GSE1: variants seen among roughly 807,000 people sequenced by gnomAD.
GSE1 encodes genetic suppressor element 1.
In GSE1, 32 loss-of-function variants were observed where a neutral mutation model predicts 112.6. The ratio of observed to expected loss-of-function variants is 0.28; its 90% CI spans 0.21 to 0.38. The LOEUF is 0.38. GSE1 is among the 10% of genes least tolerant of loss of function. The pLI is 1.00. For missense variants in GSE1, 2,348 were observed against 1,699.2 expected, an observed-to-expected ratio of 1.38 and a Z score of -6.71; for synonymous variants, 1,115 against 735.6, an observed-to-expected ratio of 1.52 and a Z score of -8.35.
intron 1 of GSE1, among the ~76,000 whole-genome samples, chr16:85,581,272 C>A (rs1354449848): frequency 1.3e-5 from 2 of 152,166 alleles, no homozygotes; most frequent in African/African-American, 4.8e-5. Flanking sequence ...CCCCATGCCC[C>A]CTGCCCCTTA....
At chr16:85,219,301 A>G (rs983474974) in intron 1 of GSE1, among the ~76,000 whole-genome samples, 2 of 152,266 alleles carry the variant, frequency 1.3e-5, no homozygotes, top group East Asian at 3.8e-4. Flanking sequence ...GGCGTGAGCC[A>G]CCGTGCCCGG....
chr16:85,444,043 G>A (rs533261085), intron 2 of GSE1, among the ~76,000 whole-genome samples: 7 of 130,870 alleles, frequency 5.3e-5, no homozygotes, highest in Non-Finnish European at 1.1e-4. Flanking sequence ...GGAGTACAGT[G>A]GCGTGATCTT....
chr16:85,384,767 T>C (rs2047647865), intron 2 of GSE1, among the ~76,000 whole-genome samples: 2 of 152,190 alleles, frequency 1.3e-5, no homozygotes, highest in South Asian at 4.1e-4. Context: ...GGGGACAAGA[T>C]GTTGATGGAG....
intron 2 of GSE1, among the ~76,000 whole-genome samples, chr16:85,647,543 C>T (rs560966255): frequency 3.9e-5 from 6 of 152,302 alleles, no homozygotes; most frequent in East Asian, 3.9e-4. Flanking sequence ...CAGCCACCAC[C>T]GCACTGCATC....
At chr16:85,481,780 A>G (rs575900714) in intron 2 of GSE1, among the ~76,000 whole-genome samples, 1 of 152,186 alleles carries the variant, frequency 6.6e-6, no homozygotes. Context: ...TGTGGTGAGA[A>G]GCGTGGAAAA....
At chr16:85,301,680 C>T (rs2045531135) in intron 1 of GSE1, among the ~76,000 whole-genome samples, 1 of 152,216 alleles carries the variant, frequency 6.6e-6, no homozygotes, top group African/African-American at 2.4e-5. Flanking sequence ...GTTTCCTTTG[C>T]CTCTGTGCCC....
intron 1 of GSE1, among the ~76,000 whole-genome samples, chr16:85,228,210 A>G (rs1488251552): frequency 1.3e-5 from 2 of 152,222 alleles, no homozygotes; most frequent in Non-Finnish European, 2.9e-5. Flanking sequence ...CTCGCAGTGA[A>G]ACATGAGTCA....
At chr16:85,304,843 A>G (rs1410529673) in intron 1 of GSE1, among the ~76,000 whole-genome samples, 2 of 152,100 alleles carry the variant, frequency 1.3e-5, no homozygotes, top group Non-Finnish European at 2.9e-5. Flanking sequence ...AGCGTTGTTC[A>G]TTGCTGTTCC....
At chr16:85,349,767 C>T (rs2046816655) in intron 1 of GSE1, among the ~76,000 whole-genome samples, 1 of 152,162 alleles carries the variant, frequency 6.6e-6, no homozygotes, top group African/African-American at 2.4e-5. Context: ...GGTTGTGTTC[C>T]TTGTCTCATC....
At chr16:85,438,369 G>A (rs2049301294) in intron 2 of GSE1, among the ~76,000 whole-genome samples, 1 of 152,200 alleles carries the variant, frequency 6.6e-6, no homozygotes, top group African/African-American at 2.4e-5. Flanking sequence ...GGGAGGGACA[G>A]GAGGCGGAGG....
chr16:85,425,656 C>T (rs757254697), intron 2 of GSE1, among the ~76,000 whole-genome samples: 1 of 152,166 alleles, frequency 6.6e-6, no homozygotes, highest in African/African-American at 2.4e-5. Context: ...GCAAGCCTGC[C>T]CTGCCCACCC....
intron 2 of GSE1, among the ~76,000 whole-genome samples, chr16:85,466,137 G>C (rs549095222): frequency 6.6e-6 from 1 of 152,202 alleles, no homozygotes. Flanking sequence ...ACTTTGAGTG[G>C]AACACGTGGT....
At chr16:85,213,964 C>T (rs890275579) in intron 1 of GSE1, among the ~76,000 whole-genome samples, 1 of 152,184 alleles carries the variant, frequency 6.6e-6, no homozygotes, top group Non-Finnish European at 1.5e-5. Flanking sequence ...TTCCATGAGA[C>T]AGAGAAAAAG....
intron 1 of GSE1, among the ~76,000 whole-genome samples, chr16:85,221,341 G>C (rs2075389078): frequency 6.8e-6 from 1 of 147,896 alleles, no homozygotes; most frequent in Non-Finnish European, 1.5e-5. Flanking sequence ...CACACCCCAA[G>C]TACATGCACA....
At chr16:85,639,847 C>T (rs1439229823) in intron 2 of GSE1, among the ~76,000 whole-genome samples, 2 of 152,244 alleles carry the variant, frequency 1.3e-5, no homozygotes, top group Non-Finnish European at 2.9e-5. Context: ...CGGCAGCCTC[C>T]CGCAGGGACG....
At chr16:85,602,530 C>A (rs1284642736) in intron 1 of GSE1, among the ~76,000 whole-genome samples, 2 of 152,128 alleles carry the variant, frequency 1.3e-5, no homozygotes, top group African/African-American at 4.8e-5. Context: ...CCCTGCCCGA[C>A]CCACATCTGT....
At chr16:85,203,506 G>A (rs776685157) in intron 1 of GSE1, among the ~76,000 whole-genome samples, 51 of 152,194 alleles carry the variant, frequency 3.4e-4, no homozygotes, top group Non-Finnish European at 6.3e-4. Context: ...CTCTTTCGTG[G>A]GAAGCCAGCA....
intron 2 of GSE1, among the ~76,000 whole-genome samples, chr16:85,503,695 G>A (rs779908152): frequency 6.6e-5 from 10 of 152,148 alleles, no homozygotes; most frequent in Non-Finnish European, 1.0e-4. Flanking sequence ...AGTGTCACCC[G>A]AGGGAGAAAA....
intron 2 of GSE1, among the ~76,000 whole-genome samples, chr16:85,515,823 G>A (rs150868039): frequency 1.4e-4 from 21 of 152,176 alleles, no homozygotes; most frequent in African/African-American, 4.8e-4. Flanking sequence ...CCAGAAACAC[G>A]GGGGAAGAAA....
Sources: allele counts gnomAD v4.1 joint callset (sites outside exome capture counted in the v4.1 genomes callset), GRCh38; gene constraint gnomAD v4.1.1; transcripts MANE v1.5; gene names NCBI Gene and HGNC (gene_info 2026-07-23, HGNC 2026-07-21).